Variants in BBS9 observed in about 807,000 individuals in gnomAD.
BBS9 encodes the protein Bardet-Biedl syndrome 9.
A neutral mutation model predicts 117.7 loss-of-function variants in BBS9; 89 were observed. That is an observed-to-expected ratio of 0.76 (90% confidence interval 0.64 to 0.90). BBS9 has a LOEUF of 0.90. Ranked by LOEUF, BBS9 falls within the 40% of genes least tolerant of loss-of-function variation. BBS9 has a pLI of 0.00. For synonymous variants in BBS9, 379 were observed against 370.9 expected (o/e 1.02, Z -0.25); for missense variants, 982 against 1,042.2 (o/e 0.94, Z 0.80).
chr7:33,273,339 A>G (rs1800170980), intron 8 of BBS9, 144 bp downstream of exon 8: 3 of 889,076 alleles, frequency 3.4e-6, no homozygotes, highest in Admixed American at 2.6e-5. Context: ...TAACTTTCAA[A>G]GTTTGAATGG....
chr7:33,487,212 C>T (rs1293374871), intron 19 of BBS9, among the ~76,000 whole-genome samples: 1 of 152,132 alleles, frequency 6.6e-6, no homozygotes, highest in African/African-American at 2.4e-5. Flanking sequence ...CATTGTAATT[C>T]GTTGGTTTCT....
chr7:33,406,289 G>A (rs886987590), intron 19 of BBS9, among the ~76,000 whole-genome samples: 3 of 152,126 alleles, frequency 2.0e-5, no homozygotes, highest in Non-Finnish European at 4.4e-5. Flanking sequence ...GAACAGGTGT[G>A]GTGTGGTGCT....
chr7:33,616,563 A>G (rs1465317590), intron 21 of BBS9, among the ~76,000 whole-genome samples: 1 of 150,146 alleles, frequency 6.7e-6, no homozygotes, highest in African/African-American at 2.4e-5. Context: ...ATGAAACCAC[A>G]AAAGGAAGAA....
rs112139600 is a variant in BBS9, at chr7:33,136,353, T to G, written c.-12+6312T>G. ...CAATTTGGAAGCCTTTTATTTCCTT[T>G]TCTTACCTAATTGCTATAGTTGAGA... is the stretch of plus-strand genomic sequence containing the variant. On this transcript the variant is annotated intron_variant, in intron 1 of 22. Coordinates refer to ENST00000242067, the MANE Select transcript of BBS9 (RefSeq NM_198428.3). 7.0e-3 allele frequency among the ~76,000 whole-genome samples: 1,070 copies of G among 152,340 alleles called. 12 individuals are homozygous for G. Among genetic ancestry groups the G allele is most frequent in the African/African-American group, 0.022 (901 of 41,578 alleles).
At chr7:33,407,358 A>G (rs1484537049) in intron 19 of BBS9, among the ~76,000 whole-genome samples, 1 of 150,444 alleles carries the variant, frequency 6.6e-6, no homozygotes. Flanking sequence ...AAAGTTTTCA[A>G]CTTCTTTGCC....
intron 19 of BBS9, among the ~76,000 whole-genome samples, chr7:33,493,351 C>T (rs146487663): frequency 3.9e-5 from 6 of 152,076 alleles, no homozygotes; most frequent in South Asian, 2.1e-4. Context: ...CATGTATCCC[C>T]GTCACTCAGC....
At chr7:33,590,613 A>G (rs1357632912) in intron 21 of BBS9, among the ~76,000 whole-genome samples, 1 of 151,720 alleles carries the variant, frequency 6.6e-6, no homozygotes, top group Non-Finnish European at 1.5e-5. Flanking sequence ...CTCATCTTAC[A>G]TGAGAATCTC....
At chr7:33,608,416 A>C (rs1328851048), downstream of BBS9, among the ~76,000 whole-genome samples, 1 of 152,064 alleles carries the variant, frequency 6.6e-6, no homozygotes, top group African/African-American at 2.4e-5. Flanking sequence ...TAGTGGGATG[A>C]CTAGGTGGAA....
At chr7:33,413,653 T>TAA in intron 19 of BBS9, among the ~76,000 whole-genome samples, 1 of 147,282 alleles carries the variant, frequency 6.8e-6, no homozygotes, top group African/African-American at 2.5e-5. Flanking sequence ...CAGTTGCGTG[T>TAA]AAAAAAAAAA....
chr7:33,618,689 A>AT (rs1477880815), intron 21 of BBS9, among the ~76,000 whole-genome samples: 1 of 152,066 alleles, frequency 6.6e-6, no homozygotes, highest in African/African-American at 2.4e-5. Flanking sequence ...ACCCCCATCT[A>AT]TTTTTTTAAA....
intron 21 of BBS9, among the ~76,000 whole-genome samples, chr7:33,614,398 C>A (rs1865032005): frequency 6.6e-6 from 1 of 151,986 alleles, no homozygotes; most frequent in African/African-American, 2.4e-5. Context: ...TGTATACATA[C>A]ATTTTTAAAA....
chr7:33,371,275 T>G (rs1822816514), intron 17 of BBS9, among the ~76,000 whole-genome samples: 1 of 152,172 alleles, frequency 6.6e-6, no homozygotes, highest in Non-Finnish European at 1.5e-5. Flanking sequence ...AAAATAATGA[T>G]AAAACTCCAT....
intron 21 of BBS9, among the ~76,000 whole-genome samples, chr7:33,567,048 C>A (rs934579952): frequency 1.3e-5 from 2 of 152,076 alleles, no homozygotes; most frequent in Non-Finnish European, 2.9e-5. Flanking sequence ...GTTCTGTTCG[C>A]CTTCAGAATG....
At chr7:33,593,720 T>C (rs1014272701) in intron 21 of BBS9, among the ~76,000 whole-genome samples, 1 of 152,156 alleles carries the variant, frequency 6.6e-6, no homozygotes, top group Non-Finnish European at 1.5e-5. Context: ...GGGGTCGCAA[T>C]GCACCAACAT....
At chr7:33,604,816 C>T in intron 21 of BBS9, 49 bp from the exon 22 acceptor site, 1 of 1,297,196 alleles carries the variant, frequency 7.7e-7, no homozygotes, top group Non-Finnish European at 1.1e-6. Flanking sequence ...TGTAGAGAGG[C>T]AGATTTTCTT....
At chr7:33,347,142 T>C (rs997679433) in intron 12 of BBS9, among the ~76,000 whole-genome samples, 6 of 152,282 alleles carry the variant, frequency 3.9e-5, no homozygotes, top group Non-Finnish European at 8.8e-5. Flanking sequence ...TTTTGTAAAA[T>C]GGTTTATGAT....
intron 19 of BBS9, among the ~76,000 whole-genome samples, chr7:33,478,179 T>G (rs886608764): frequency 1.3e-5 from 2 of 152,232 alleles, no homozygotes; most frequent in South Asian, 4.1e-4. Flanking sequence ...GTTGTGAACC[T>G]TTTTTTGAGG....
chr7:33,495,117 A>G (rs942856673), intron 19 of BBS9, among the ~76,000 whole-genome samples: 5 of 152,240 alleles, frequency 3.3e-5, no homozygotes, highest in African/African-American at 1.2e-4. Flanking sequence ...GATTCATAGA[A>G]AAGCCTCAAC....
intron 5 of BBS9, among the ~76,000 whole-genome samples, chr7:33,234,427 A>G (rs1793089728): frequency 1.3e-5 from 2 of 152,090 alleles, no homozygotes; most frequent in Non-Finnish European, 2.9e-5. Context: ...ATTCACCACA[A>G]TCAAGCAATT....
Sources: allele counts gnomAD v4.1 joint callset (sites outside exome capture counted in the v4.1 genomes callset), GRCh38; gene constraint gnomAD v4.1.1; transcripts MANE v1.5; gene names NCBI Gene and HGNC (gene_info 2026-07-23, HGNC 2026-07-21).